The following ALS2 variants were observed in gnomAD, a reference collection of about 807,000 sequenced individuals.
ALS2 encodes alsin Rho guanine nucleotide exchange factor ALS2, also known as alsin.
A neutral mutation model predicts 203.4 loss-of-function variants in ALS2; 117 were observed. The ratio of observed to expected loss-of-function variants is 0.58; its 90% CI spans 0.50 to 0.67. The LOEUF (loss-of-function observed/expected upper bound fraction) is 0.67, where lower values mean the gene tolerates loss of function less well. Among genes scored for constraint, ALS2 ranks in the 30% least tolerant of loss-of-function variants. The probability of loss-of-function intolerance (pLI) is 0.00; values close to 1 mark genes in which losing one functional copy is unlikely to be tolerated. For missense variants in ALS2, 1,715 were observed against 1,989.4 expected, an observed-to-expected ratio of 0.86 and a Z score of 2.62; for synonymous variants, 718 against 725.9, an observed-to-expected ratio of 0.99 and a Z score of 0.17.
At chr2:201,744,548 G>T in intron 9 of ALS2, 119 bp from the exon 10 acceptor site, 1 of 1,090,722 alleles carries the variant, frequency 9.2e-7, no homozygotes, top group Non-Finnish European at 1.3e-6. Context: ...CAGAAAATTT[G>T]CAAGCAAGTA....
intron 27 of ALS2, among the ~76,000 whole-genome samples, chr2:201,708,902 A>T (rs1689879263): frequency 1.3e-5 from 2 of 152,160 alleles, no homozygotes; most frequent in South Asian, 4.1e-4. Context: ...AAAGGTCAGG[A>T]CACTTACTTT....
intron 23 of ALS2, among the ~76,000 whole-genome samples, chr2:201,718,550 C>T (rs1690555512): frequency 6.6e-6 from 1 of 152,096 alleles, no homozygotes; most frequent in South Asian, 2.1e-4. Flanking sequence ...CATGAGCTAC[C>T]ACGCCCAGCC....
intron 29 of ALS2, among the ~76,000 whole-genome samples, chr2:201,705,992 C>T (rs1419943279): frequency 1.3e-5 from 2 of 151,390 alleles, no homozygotes; most frequent in African/African-American, 4.9e-5. Context: ...CCTGGTAGCA[C>T]AAATAGAGAT....
chr2:201,718,282 CAG>C (rs1690536681), intron 23 of ALS2, 72 bp from the exon 24 acceptor site: 16 of 1,520,224 alleles, frequency 1.1e-5, no homozygotes, highest in Middle Eastern at 1.7e-4. Flanking sequence ...TATTTAGAGA[CAG>C]AGTCTCACTC....
chr2:201,742,534 T>C (rs1166542424), intron 10 of ALS2, among the ~76,000 whole-genome samples: 1 of 152,214 alleles, frequency 6.6e-6, no homozygotes, highest in East Asian at 1.9e-4. Context: ...AAGAGGCAGA[T>C]TTAACCTTTC....
rs1559079732 is a variant in ALS2, at chr2:201,757,713, G to A, written c.1160C>T (p.Thr387Ile). 2.5e-6 allele frequency: 4 copies of A among 1,613,298 alleles called. No individual in the cohort carries two copies. The highest frequency in any genetic ancestry group is 2.2e-5 in the South Asian group (2 of 91,084). ...CAGGCTGTTTAGGGCTGAGGTGCTT[G>A]TGGTAGGCGGGCTGTGGAGATTAGG... ...AIPNLHSPPT[T>I]STSALNSLVV... is the part of the protein sequence containing the mutation. The change falls in exon 5 of 34, where the codon ACA becomes ATA. Residue 387 changes from threonine to isoleucine, a missense_variant. By Grantham distance (89) the Thr-to-Ile change is moderately conservative. This residue lies in a region of ALS2 where 476 missense variants were observed against 539.3 expected (regional missense o/e 0.88). Transcript: ENST00000264276.
intron 7 of ALS2, among the ~76,000 whole-genome samples, chr2:201,750,353 G>A (rs940684430): frequency 3.3e-5 from 5 of 152,144 alleles, no homozygotes; most frequent in Non-Finnish European, 5.9e-5. Context: ...AGGAAACCCA[G>A]AGAGGTTAAT....
At position 201,760,501 on chromosome 2, in the gene ALS2, C is replaced by G. The variant is rs555441046; in HGVS notation, c.1113+380G>C. ...GGAAAAGACTTTTCTCTACAGAATTCTGAAGAGTGTTACAAACACAAGTAA... is the reference window on the plus strand; with the variant it reads ...GGAAAAGACTTTTCTCTACAGAATTGTGAAGAGTGTTACAAACACAAGTAA... On this transcript the variant is annotated intron_variant, in intron 4 of 33. Transcript: ENST00000264276. The G allele has an allele frequency of 1.4e-5, 14 of 1,013,292 alleles. No homozygotes were observed. In the South Asian group the frequency reaches 4.4e-4, roughly 32 times the overall value. The allele number at this position is 1,013,292 out of a possible 1,614,324, so 62.8% of individuals were successfully genotyped here.
chr2:201,736,702 T>TA (rs1277615014), intron 12 of ALS2, among the ~76,000 whole-genome samples: 1 of 151,968 alleles, frequency 6.6e-6, no homozygotes, highest in Non-Finnish European at 1.5e-5. Flanking sequence ...CTGATCAAGA[T>TA]AAAAAAGATA....
At position 201,715,751 on chromosome 2, in the gene ALS2, G is replaced by C; in HGVS notation, c.3925C>G (p.Pro1309Ala). 7 of 1,614,132 alleles carry C rather than the reference G, an allele frequency of 4.3e-6. No homozygotes were observed. Among genetic ancestry groups the C allele is most frequent in the Non-Finnish European group, 5.1e-6 (6 of 1,180,026 alleles). Reference sequence around the variant, plus strand: ...GCTTTCCAAACTTCCCCTTGGCCTGGGCCCTCACAGCCCAGTTGGCGCCAA... The same window carrying C: ...GCTTTCCAAACTTCCCCTTGGCCTGCGCCCTCACAGCCCAGTTGGCGCCAA... The part of the protein sequence containing the change: ...ECWRQLGCEG[P>A]GQGEVWKAWD... Residue 1309 changes from proline to alanine, a missense_variant, in exon 25 of 34, where the codon CCA (proline) becomes GCA (alanine). Pro to Ala is a conservative substitution (Grantham distance 27). Around this residue, in one of 3 missense-constraint regions of ALS2, gnomAD observed 1,227 missense variants for 1,413.5 expected, o/e 0.87. Transcript: ENST00000264276.
intron 3 of ALS2, chr2:201,763,015 C>A: frequency 6.2e-6 from 1 of 161,764 alleles, no homozygotes; most frequent in South Asian, 1.6e-4. Flanking sequence ...GGGGACCTCT[C>A]TCAAGGATGA....
intron 1 of ALS2, among the ~76,000 whole-genome samples, chr2:201,772,331 G>T (rs1694432492): frequency 6.6e-6 from 1 of 152,148 alleles, no homozygotes; most frequent in Non-Finnish European, 1.5e-5. Context: ...CTGTTAGAAA[G>T]ATGAGCTACA....
chr2:201,728,357 G>A (rs1490966310), intron 15 of ALS2, among the ~76,000 whole-genome samples, 155 bp downstream of exon 15: 2 of 151,852 alleles, frequency 1.3e-5, no homozygotes, highest in Non-Finnish European at 1.5e-5. Context: ...TTGGTTTTTT[G>A]TCCTTGCTAT....
At chr2:201,758,447 G>A (rs920224781) in intron 4 of ALS2, among the ~76,000 whole-genome samples, 3 of 152,100 alleles carry the variant, frequency 2.0e-5, no homozygotes, top group Admixed American at 6.6e-5. Flanking sequence ...AAATGTGGTA[G>A]GTTAATAATT....
At chr2:201,729,961 T>C (rs149828819) in intron 13 of ALS2, among the ~76,000 whole-genome samples, 14 of 152,186 alleles carry the variant, frequency 9.2e-5, no homozygotes, top group African/African-American at 3.4e-4. Flanking sequence ...CTCTTTATTA[T>C]CTGGCTTTAA....
At chr2:201,750,490 T>C (rs572109556) in intron 7 of ALS2, among the ~76,000 whole-genome samples, 7 of 152,168 alleles carry the variant, frequency 4.6e-5, no homozygotes, top group African/African-American at 1.2e-4. Flanking sequence ...CATGATTTCC[T>C]ACTCTGTAGA....
chr2:201,762,776 C>T (rs1574791009), intron 3 of ALS2: 1 of 152,364 alleles, frequency 6.6e-6, no homozygotes, highest in African/African-American at 2.4e-5. Flanking sequence ...GCCCAGAGGC[C>T]CCAGAGACCC....
At chr2:201,725,334 C>T in intron 20 of ALS2, 22 bp downstream of exon 20, 1 of 1,593,318 alleles carries the variant, frequency 6.3e-7, no homozygotes, top group Non-Finnish European at 8.6e-7. Context: ...AAACACCAGT[C>T]CAACAGCCTT....
intron 1 of ALS2, among the ~76,000 whole-genome samples, chr2:201,776,428 GCT>G (rs1460190205): frequency 6.6e-6 from 1 of 152,056 alleles, no homozygotes; most frequent in African/African-American, 2.4e-5. Context: ...TGCCCATTTA[GCT>G]CTTTTTTGTA....
Sources: gnomAD v4.1 joint callset for allele counts (sites outside exome capture counted in the v4.1 genomes callset) on GRCh38, gnomAD v4.1.1 for gene constraint, gnomAD v4.1.1 regional missense constraint, MANE v1.5 for transcripts, NCBI Gene and HGNC (gene_info 2026-07-23, HGNC 2026-07-21) for gene names.